LRRTM4: variants seen among roughly 807,000 people sequenced by gnomAD.
The protein encoded by LRRTM4 is leucine-rich repeat transmembrane neuronal protein 4.
In LRRTM4, 25 loss-of-function variants were observed where a neutral mutation model predicts 47.6. That is an observed-to-expected ratio of 0.53 (90% CI 0.38 to 0.73). LRRTM4 has a LOEUF of 0.73. LRRTM4 is among the 30% of genes least tolerant of loss of function. The pLI is 0.00. For missense variants in LRRTM4, 638 were observed against 713.4 expected (o/e 0.89, Z 1.20); for synonymous variants, 311 against 269.5 (o/e 1.15, Z -1.51).
At chr2:77,356,864 T>TA (rs1312065935) in intron 3 of LRRTM4, among the ~76,000 whole-genome samples, 9 of 152,200 alleles carry the variant, frequency 5.9e-5, no homozygotes, top group Admixed American at 5.2e-4. Context: ...TTCTAGTTAC[T>TA]AAAATTGTTG....
intron 3 of LRRTM4, among the ~76,000 whole-genome samples, chr2:77,430,860 A>G (rs1257344554): frequency 6.7e-6 from 1 of 148,454 alleles, no homozygotes; most frequent in Non-Finnish European, 1.5e-5. Flanking sequence ...GTGGGGGAAG[A>G]TCTGCTCTCA....
intron 3 of LRRTM4, among the ~76,000 whole-genome samples, chr2:77,468,812 C>T (rs1219043479): frequency 1.3e-5 from 2 of 152,190 alleles, no homozygotes; most frequent in African/African-American, 4.8e-5. Context: ...AGGCCATATC[C>T]CTAAGTTCCA....
At chr2:77,478,926 ACT>A (rs1677542077) in intron 3 of LRRTM4, among the ~76,000 whole-genome samples, 1 of 151,698 alleles carries the variant, frequency 6.6e-6, no homozygotes, top group African/African-American at 2.4e-5. Flanking sequence ...ACGAAGTCTC[ACT>A]CTCTTGCCCA....
intron 3 of LRRTM4, among the ~76,000 whole-genome samples, chr2:76,994,878 G>T (rs975242012): frequency 6.6e-6 from 1 of 151,860 alleles, no homozygotes; most frequent in Non-Finnish European, 1.5e-5. Flanking sequence ...AAAAAAGCTA[G>T]GGAACTCTAT....
At chr2:77,314,835 T>C (rs557436762) in intron 3 of LRRTM4, among the ~76,000 whole-genome samples, 79 of 152,322 alleles carry the variant, frequency 5.2e-4, no homozygotes, top group Non-Finnish European at 6.9e-4. Context: ...GCTAGCAATA[T>C]GCTCTACAAT....
chr2:77,099,938 T>G (rs1670909359), intron 3 of LRRTM4, among the ~76,000 whole-genome samples: 1 of 152,152 alleles, frequency 6.6e-6, no homozygotes, highest in Non-Finnish European at 1.5e-5. Context: ...TGTATAACTT[T>G]CTGGAGTCAA....
rs562919056 is a variant in LRRTM4, at chr2:77,099,061, T to C, written c.1552-350145A>G. 8.6e-5 allele frequency among the ~76,000 whole-genome samples: 13 copies of C among 151,998 alleles called. No homozygotes were observed. In the East Asian group the frequency reaches 2.5e-3, roughly 29 times the overall value. On this transcript the variant is annotated intron_variant, in intron 3 of 3. Coordinates refer to ENST00000409884, the MANE Select transcript of LRRTM4 (RefSeq NM_001134745.3). Reference sequence around the variant, plus strand: ...TCATTAAAAACACTAGGGAATAATTTAGCATTATCTAGTAATACATAAACT... The same window carrying C: ...TCATTAAAAACACTAGGGAATAATTCAGCATTATCTAGTAATACATAAACT...
rs1680686748 is a variant in LRRTM4 at position 77,085,663 on chromosome 2, A to C, written c.1552-336747T>G. On this transcript the variant is annotated intron_variant, in intron 3 of 3. Coordinates refer to ENST00000409884, the MANE Select transcript of LRRTM4 (RefSeq NM_001134745.3). ...TGACACAATTGCTTTAATTTTTAGC[A>C]AGAAAAATGTGTCCGACTAAACAGA... Among the ~76,000 whole-genome samples, 3 of 152,162 alleles carry C rather than the reference A, an allele frequency of 2.0e-5. No homozygotes were observed. In the South Asian group the frequency reaches 6.2e-4, roughly 31 times the overall value.
chr2:76,922,602 G>T (rs978245854), intron 3 of LRRTM4, among the ~76,000 whole-genome samples: 1 of 152,078 alleles, frequency 6.6e-6, no homozygotes, highest in Non-Finnish European at 1.5e-5. Flanking sequence ...AAAGTGGATT[G>T]ATAGGTGCCA....
At chr2:77,338,836 C>T (rs1167786213) in intron 3 of LRRTM4, among the ~76,000 whole-genome samples, 1 of 151,918 alleles carries the variant, frequency 6.6e-6, no homozygotes, top group Non-Finnish European at 1.5e-5. Flanking sequence ...ATAGCAAAGC[C>T]AAGGAATCAA....
chr2:77,480,294 T>G (rs1007803336), intron 3 of LRRTM4, among the ~76,000 whole-genome samples: 1 of 152,138 alleles, frequency 6.6e-6, no homozygotes, highest in African/African-American at 2.4e-5. Flanking sequence ...TTGCAAAATA[T>G]CTCCAACACG....
intron 3 of LRRTM4, among the ~76,000 whole-genome samples, chr2:76,906,877 G>A (rs1371943263): frequency 6.6e-6 from 1 of 151,354 alleles, no homozygotes; most frequent in East Asian, 2.0e-4. Context: ...AAGAGACTTA[G>A]ACTCCCACAC....
At chr2:76,935,374 T>A (rs1248904523) in intron 3 of LRRTM4, among the ~76,000 whole-genome samples, 2 of 152,136 alleles carry the variant, frequency 1.3e-5, no homozygotes, top group African/African-American at 4.8e-5. Flanking sequence ...GTAGTTTTTT[T>A]CAATTCTGTG....
At chr2:77,199,665 G>A (rs980780690) in intron 3 of LRRTM4, among the ~76,000 whole-genome samples, 6 of 152,124 alleles carry the variant, frequency 3.9e-5, no homozygotes, top group Admixed American at 2.0e-4. Flanking sequence ...TGTCTGTTCA[G>A]ATACAGCTAA....
intron 3 of LRRTM4, among the ~76,000 whole-genome samples, chr2:76,901,068 G>A (rs1673611990): frequency 6.6e-6 from 1 of 152,092 alleles, no homozygotes; most frequent in South Asian, 2.1e-4. Flanking sequence ...TTAAGTTCCA[G>A]AGTACATGTG....
At chr2:77,353,685 TTTATTA>T (rs58919757) in intron 3 of LRRTM4, among the ~76,000 whole-genome samples, 1 of 151,152 alleles carries the variant, frequency 6.6e-6, no homozygotes, top group African/African-American at 2.4e-5. Context: ...TGCTGCTTAA[TTTATTA>T]TTATTATTAT....
intron 3 of LRRTM4, among the ~76,000 whole-genome samples, chr2:77,209,764 A>G (rs978858902): frequency 3.3e-5 from 5 of 152,246 alleles, no homozygotes; most frequent in Non-Finnish European, 5.9e-5. Flanking sequence ...TGACCTGAAT[A>G]ATCACACATA....
At position 77,518,478 on chromosome 2, in the gene LRRTM4, T is replaced by C. The variant is rs1166279644; in HGVS notation, c.1391A>G (p.Lys464Arg). 3.7e-6 allele frequency: 6 copies of C among 1,613,324 alleles called. No homozygotes were observed. The highest frequency in any genetic ancestry group is 2.2e-5 in the East Asian group (1 of 44,842). ...MKQLQQHSLMKRRRKKARESE... is the reference protein window; with the variant it reads ...MKQLQQHSLMRRRRKKARESE... ...CTCTCTGGCCTTTTTCCGCCGCCTC[T>C]TCATAAGAGAGTGTTGCTGGAGTTG... Residue 464 changes from lysine to arginine, a missense_variant, in exon 3 of 4, where the codon AAG (lysine) becomes AGG (arginine). Physicochemically the swap from Lys to Arg is conservative, Grantham distance 26. Transcript: ENST00000409884.
chr2:77,002,577 A>G (rs1018778149), intron 3 of LRRTM4, among the ~76,000 whole-genome samples: 2 of 152,134 alleles, frequency 1.3e-5, no homozygotes, highest in Non-Finnish European at 2.9e-5. Flanking sequence ...TTCTTTTCAT[A>G]GAAGCCAGAG....
Sources: allele counts gnomAD v4.1 joint callset (sites outside exome capture counted in the v4.1 genomes callset), GRCh38; gene constraint gnomAD v4.1.1; transcripts MANE v1.5; gene names NCBI Gene and HGNC (gene_info 2026-07-23, HGNC 2026-07-21).